Variants in SOX5 observed in about 807,000 individuals in gnomAD.
SOX5 encodes the protein SRY-box transcription factor 5, also known as transcription factor SOX-5.
In SOX5, 9 loss-of-function variants were observed where a neutral mutation model predicts 92.0. The observed-to-expected ratio is 0.10, with a 90% CI of 0.06 to 0.17. The LOEUF is 0.17. Ranked by LOEUF, SOX5 falls within the 10% of genes least tolerant of loss-of-function variation. The probability of loss-of-function intolerance (pLI) is 1.00; values close to 1 mark genes in which losing one functional copy is unlikely to be tolerated. For synonymous variants in SOX5, 344 were observed against 336.3 expected (o/e 1.02, Z -0.25); for missense variants, 642 against 944.5 (o/e 0.68, Z 4.20).
intron 1 of SOX5, among the ~76,000 whole-genome samples, chr12:24,511,910 A>G (rs1346071530): frequency 6.6e-6 from 1 of 150,866 alleles, no homozygotes; most frequent in African/African-American, 2.4e-5. Context: ...GTGAGCCCAG[A>G]TCGTGCCACT....
At chr12:24,116,718 A>G (rs1948043907) in intron 4 of SOX5, among the ~76,000 whole-genome samples, 1 of 152,154 alleles carries the variant, frequency 6.6e-6, no homozygotes, top group South Asian at 2.1e-4. Flanking sequence ...TCATTATAAG[A>G]AATGTAAATG....
chr12:24,144,828 C>CAA (rs151325236), intron 4 of SOX5, among the ~76,000 whole-genome samples: 13 of 149,022 alleles, frequency 8.7e-5, no homozygotes, highest in East Asian at 7.8e-4. Context: ...GACCCTGTCT[C>CAA]AAAAAAAAGA....
intron 9 of SOX5, chr12:23,584,632 G>A (rs11046992): frequency 0.28 from 436,351 of 1,558,052 alleles, 63,769 homozygotes; most frequent in Middle Eastern, 0.32. Context: ...TGACAGTTAC[G>A]ACAGTTAACT....
intron 3 of SOX5, among the ~76,000 whole-genome samples, chr12:23,788,186 A>G (rs961217262): frequency 3.3e-5 from 5 of 151,974 alleles, no homozygotes; most frequent in Non-Finnish European, 7.4e-5. Context: ...ATAAATTTTA[A>G]AAGGCAGAAA....
chr12:23,534,526 T>C lies in SOX5; in HGVS notation c.1989-4A>G, dbSNP rs1939776973. On this transcript the variant is annotated splice_region_variant and splice_polypyrimidine_tract_variant and intron_variant, in intron 14 of 14. Transcript: ENST00000451604. ...AATGGGGATCTGTGCTTGTTGCCTG[T>C]CAAGAAAGGAATTTCCAAAAAGACA... The C allele has an allele frequency of 1.2e-6, 2 of 1,604,786 alleles. No individual in the cohort carries two copies. The highest frequency in any genetic ancestry group is 1.1e-5 in the South Asian group (1 of 90,768).
intron 1 of SOX5, among the ~76,000 whole-genome samples, chr12:24,558,270 T>C (rs1954001904): frequency 6.6e-6 from 1 of 152,080 alleles, no homozygotes; most frequent in African/African-American, 2.4e-5. Context: ...AAATGGACTG[T>C]CAAGGGCCCA....
At chr12:23,935,904 G>C (rs1176668495) in intron 1 of SOX5, among the ~76,000 whole-genome samples, 3 of 151,096 alleles carry the variant, frequency 2.0e-5, no homozygotes, top group Non-Finnish European at 4.5e-5. Context: ...ACTATAATGT[G>C]ATGGTTAAGA....
At chr12:23,621,147 A>G (rs1394628862) in intron 8 of SOX5, among the ~76,000 whole-genome samples, 1 of 152,104 alleles carries the variant, frequency 6.6e-6, no homozygotes, top group African/African-American at 2.4e-5. Context: ...CTTAAAGTAT[A>G]TGTTTGAGGG....
At chr12:24,361,291 T>G (rs889538785) in intron 2 of SOX5, among the ~76,000 whole-genome samples, 2 of 152,170 alleles carry the variant, frequency 1.3e-5, no homozygotes, top group African/African-American at 4.8e-5. Context: ...CACTGCATGT[T>G]GCTTATAAAT....
At chr12:23,544,018 A>C (rs546952955) in intron 12 of SOX5, among the ~76,000 whole-genome samples, 1 of 152,322 alleles carries the variant, frequency 6.6e-6, no homozygotes, top group East Asian at 1.9e-4. Context: ...ATATATGTAA[A>C]ACTGGTATGG....
At chr12:23,704,178 T>A (rs2091054397) in intron 6 of SOX5, among the ~76,000 whole-genome samples, 1 of 151,928 alleles carries the variant, frequency 6.6e-6, no homozygotes. Flanking sequence ...AACGCTTGTG[T>A]GTGTGTGTAA....
At chr12:24,053,176 A>G (rs1259984134) in intron 4 of SOX5, among the ~76,000 whole-genome samples, 1 of 143,578 alleles carries the variant, frequency 7.0e-6, no homozygotes, top group Non-Finnish European at 1.5e-5. Context: ...ATGCTACTGC[A>G]CGCCCCCCCC....
intron 2 of SOX5, among the ~76,000 whole-genome samples, chr12:24,318,801 T>C (rs1488722388): frequency 2.0e-5 from 3 of 152,216 alleles, no homozygotes; most frequent in Non-Finnish European, 4.4e-5. Flanking sequence ...TGGGGAAAAC[T>C]GCAAAACCAT....
intron 4 of SOX5, among the ~76,000 whole-genome samples, chr12:24,195,594 A>G (rs943122408): frequency 6.6e-6 from 1 of 152,212 alleles, no homozygotes; most frequent in African/African-American, 2.4e-5. Context: ...CTAGAATTTT[A>G]TAAGTTATAA....
intron 1 of SOX5, among the ~76,000 whole-genome samples, chr12:23,919,668 T>C (rs940405856): frequency 2.6e-5 from 4 of 152,140 alleles, no homozygotes; most frequent in African/African-American, 9.7e-5. Flanking sequence ...GGTCAGGAGA[T>C]GCCAAGGATC....
At chr12:24,353,295 C>G (rs993072572) in intron 2 of SOX5, among the ~76,000 whole-genome samples, 1 of 152,144 alleles carries the variant, frequency 6.6e-6, no homozygotes, top group South Asian at 2.1e-4. Flanking sequence ...ACTCGAACAA[C>G]TGGGGAGTCC....
intron 9 of SOX5, among the ~76,000 whole-genome samples, chr12:23,584,320 T>TCC (rs1208119824): frequency 6.6e-6 from 1 of 152,224 alleles, no homozygotes; most frequent in East Asian, 1.9e-4. Context: ...TTTGAAGGAC[T>TCC]CCCAGAGGGC....
At chr12:24,434,753 C>T (rs1939073044) in intron 1 of SOX5, among the ~76,000 whole-genome samples, 1 of 152,180 alleles carries the variant, frequency 6.6e-6, no homozygotes, top group Non-Finnish European at 1.5e-5. Context: ...CTAGCTTTGC[C>T]TTCCACTATG....
intron 1 of SOX5, among the ~76,000 whole-genome samples, chr12:23,902,929 A>G (rs1014898241): frequency 2.0e-5 from 3 of 152,214 alleles, no homozygotes; most frequent in Non-Finnish European, 1.5e-5. Context: ...AACGAATTGA[A>G]TGAGTCCCTA....
Sources: allele counts gnomAD v4.1 joint callset (sites outside exome capture counted in the v4.1 genomes callset), GRCh38; gene constraint gnomAD v4.1.1; transcripts MANE v1.5; gene names NCBI Gene and HGNC (gene_info 2026-07-23, HGNC 2026-07-21).